Variants in HABP4 observed in about 807,000 individuals in gnomAD.
The protein encoded by HABP4 is hyaluronan binding protein 4.
In HABP4, 32 loss-of-function variants were observed where a neutral mutation model predicts 44.1. The ratio of observed to expected loss-of-function variants is 0.73; its 90% CI spans 0.55 to 0.97. HABP4 has a LOEUF of 0.97. Among genes scored for constraint, HABP4 ranks in the 50% least tolerant of loss-of-function variants. HABP4 has a pLI of 0.00. For synonymous variants in HABP4, 216 were observed against 218.0 expected (o/e 0.99, Z 0.08); for missense variants, 503 against 561.9 (o/e 0.90, Z 1.06).
At chr9:96,489,113 C>T (rs1833030654) in intron 7 of HABP4, among the ~76,000 whole-genome samples, 1 of 152,154 alleles carries the variant, frequency 6.6e-6, no homozygotes, top group Non-Finnish European at 1.5e-5. Context: ...TTCCCTCGCT[C>T]TAGGGAGCAG....
chr9:96,480,154 G>A (rs1305244961), intron 5 of HABP4, among the ~76,000 whole-genome samples: 1 of 152,094 alleles, frequency 6.6e-6, no homozygotes, highest in Non-Finnish European at 1.5e-5. Flanking sequence ...CAGCCTGGGT[G>A]ACAGAGTGAG....
Position 96,484,532 on chromosome 9 carries a change from CAAG to C in HABP4, c.901_903del (p.Glu301del). The C allele has an allele frequency of 6.3e-7, 1 of 1,587,022 alleles. No individual in the cohort carries two copies. The highest frequency in any genetic ancestry group is 8.7e-7 in the Non-Finnish European group (1 of 1,155,298). On this transcript the variant is annotated inframe_deletion, in exon 6 of 8. Coordinates refer to ENST00000375249, the MANE Select transcript of HABP4 (RefSeq NM_014282.4). Reference sequence around the variant, plus strand: ...GACTTTAGATGAGTGGAAAAATCTTCAAGAACAGACCAGACCAAAGCCTGAGTT... The same window carrying C: ...GACTTTAGATGAGTGGAAAAATCTTCAACAGACCAGACCAAAGCCTGAGTT...
At chr9:96,456,411 A>G (rs554966600) in intron 1 of HABP4, among the ~76,000 whole-genome samples, 1 of 152,266 alleles carries the variant, frequency 6.6e-6, no homozygotes, top group East Asian at 1.9e-4. Flanking sequence ...GTGTATCTAC[A>G]TATATTCCTT....
intron 4 of HABP4, among the ~76,000 whole-genome samples, chr9:96,469,930 A>G (rs1352530822): frequency 2.6e-5 from 4 of 152,194 alleles, no homozygotes; most frequent in Admixed American, 2.0e-4. Flanking sequence ...TGTAGGCACA[A>G]TATTTTATAT....
intron 2 of HABP4, among the ~76,000 whole-genome samples, chr9:96,464,933 G>A (rs187691896): frequency 2.6e-5 from 4 of 152,182 alleles, no homozygotes; most frequent in East Asian, 1.9e-4. Flanking sequence ...AGGAATGAAC[G>A]TTAGAATTTA....
intron 2 of HABP4, 116 bp downstream of exon 2, chr9:96,458,657 C>T: frequency 2.9e-6 from 2 of 693,612 alleles, no homozygotes; most frequent in East Asian, 5.9e-5. Flanking sequence ...CAGTTTCGCT[C>T]TTGTCGCCCA....
At chr9:96,453,243 A>G (rs923152403) in intron 1 of HABP4, among the ~76,000 whole-genome samples, 6 of 151,464 alleles carry the variant, frequency 4.0e-5, no homozygotes, top group Non-Finnish European at 8.8e-5. Flanking sequence ...ATTTTTGTAT[A>G]TTTTTTAGTA....
At chr9:96,468,361 G>C (rs1331001971) in intron 4 of HABP4, among the ~76,000 whole-genome samples, 1 of 151,474 alleles carries the variant, frequency 6.6e-6, no homozygotes, top group Non-Finnish European at 1.5e-5. Context: ...AGGTTCAAGC[G>C]ATTCTCCTGC....
intron 5 of HABP4, among the ~76,000 whole-genome samples, chr9:96,480,595 A>G (rs866106511): frequency 2.6e-5 from 4 of 152,338 alleles, no homozygotes; most frequent in Non-Finnish European, 4.4e-5. Flanking sequence ...TTCATTTTAC[A>G]TAAGTATTCA....
intron 6 of HABP4, among the ~76,000 whole-genome samples, chr9:96,486,875 C>T (rs908464556): frequency 1.3e-5 from 2 of 152,028 alleles, no homozygotes; most frequent in African/African-American, 2.4e-5. Context: ...CTCCCTGCTC[C>T]ACTGCCCCGA....
intron 5 of HABP4, among the ~76,000 whole-genome samples, 197 bp downstream of exon 5, chr9:96,471,291 C>T (rs543745675): frequency 3.9e-5 from 6 of 152,176 alleles, no homozygotes; most frequent in Non-Finnish European, 5.9e-5. Context: ...AATAGGCGTG[C>T]GCCACCACGC....
chr9:96,458,107 T>G (rs541736012), intron 1 of HABP4, among the ~76,000 whole-genome samples: 2 of 152,314 alleles, frequency 1.3e-5, no homozygotes, highest in African/African-American at 4.8e-5. Flanking sequence ...TCACAGTTAT[T>G]GGGAGATGCC....
intron 1 of HABP4, among the ~76,000 whole-genome samples, chr9:96,453,480 G>A (rs1220033620): frequency 6.7e-6 from 1 of 150,070 alleles, no homozygotes; most frequent in Non-Finnish European, 1.5e-5. Context: ...CAAAGTGCTG[G>A]GATTACAGGC....
intron 4 of HABP4, among the ~76,000 whole-genome samples, chr9:96,470,234 G>A (rs779411364): frequency 1.2e-4 from 19 of 152,106 alleles, no homozygotes; most frequent in Admixed American, 2.0e-4. Context: ...TCTTGAGCCC[G>A]GGAGGTCGAG....
intron 2 of HABP4, among the ~76,000 whole-genome samples, chr9:96,459,176 T>C (rs1190862495): frequency 1.3e-5 from 2 of 152,206 alleles, no homozygotes; most frequent in African/African-American, 4.8e-5. Flanking sequence ...AAGTTCTAGA[T>C]TAGAGATATA....
intron 4 of HABP4, 24 bp from the exon 5 acceptor site, chr9:96,470,987 A>C: frequency 6.7e-6 from 9 of 1,350,200 alleles, no homozygotes; most frequent in Admixed American, 1.7e-5. Flanking sequence ...TTGTGTGACT[A>C]GAGAGGGTCT....
intron 1 of HABP4, among the ~76,000 whole-genome samples, chr9:96,454,417 A>C (rs574191717): frequency 6.6e-6 from 1 of 150,480 alleles, no homozygotes. Flanking sequence ...TTTCTGCCTT[A>C]CATTTTGAAT....
chr9:96,455,635 A>AG (rs1220124095), intron 1 of HABP4, among the ~76,000 whole-genome samples: 1 of 151,122 alleles, frequency 6.6e-6, no homozygotes, highest in African/African-American at 2.4e-5. Flanking sequence ...GTGTGGTGGC[A>AG]GGCACCTGTA....
chr9:96,468,743 T>C (rs1299313192), intron 4 of HABP4, among the ~76,000 whole-genome samples: 2 of 152,242 alleles, frequency 1.3e-5, no homozygotes, highest in Non-Finnish European at 2.9e-5. Context: ...TTTCTTAGAA[T>C]AAGACTAATT....
Sources: allele counts gnomAD v4.1 joint callset (sites outside exome capture counted in the v4.1 genomes callset), GRCh38; gene constraint gnomAD v4.1.1; transcripts MANE v1.5; gene names NCBI Gene and HGNC (gene_info 2026-07-23, HGNC 2026-07-21).